Variants in COLQ observed in about 807,000 individuals in gnomAD.
COLQ encodes the protein collagen like tail subunit of asymmetric acetylcholinesterase, also known as acetylcholinesterase collagenic tail peptide.
In COLQ, 48 loss-of-function variants were observed where a neutral mutation model predicts 69.0. The ratio of observed to expected loss-of-function variants is 0.70; its 90% confidence interval spans 0.55 to 0.88. The LOEUF is 0.88. Ranked by LOEUF, COLQ falls within the 40% of genes least tolerant of loss-of-function variation. COLQ has a pLI of 0.00. For synonymous variants in COLQ, 217 were observed against 211.2 expected, an observed-to-expected ratio of 1.03 and a Z score of -0.24; for missense variants, 618 against 594.6, an observed-to-expected ratio of 1.04 and a Z score of -0.41.
At chr3:15,498,682 G>A in intron 1 of COLQ, 4 of 1,549,238 alleles carry the variant, frequency 2.6e-6, no homozygotes, top group Non-Finnish European at 2.6e-6. Context: ...TGCCTGGCCT[G>A]TTTGGCATTA....
chr3:15,494,514 C>T (rs1486411946), intron 1 of COLQ, among the ~76,000 whole-genome samples: 1 of 152,184 alleles, frequency 6.6e-6, no homozygotes, highest in Non-Finnish European at 1.5e-5. Context: ...CTTTGCCAGG[C>T]ACTGGGCCAG....
In COLQ at chr3:15,458,256, G is replaced by T. The variant is rs2062053296; in HGVS notation, c.884C>A (p.Pro295His). The change falls in exon 13 of 17, where the codon CCC becomes CAC. Residue 295 changes from proline (P) to histidine (H), a missense_variant. Physicochemically the swap from Pro to His is moderately conservative, Grantham distance 77. Transcript: ENST00000383788. ...GGAAGGGTTATTCACATTCATAGTG[G>T]GTCCACAAAGACATCTTCCTGGAGG... ...PGPPGRCLCG[P>H]TMNVNNPSYG... 3 of 1,613,910 alleles carry T rather than the reference G, an allele frequency of 1.9e-6. No homozygotes were observed. The highest frequency in any genetic ancestry group is 2.5e-6 in the Non-Finnish European group (3 of 1,179,960).
Position 15,474,928 on chromosome 3 carries a change from T to C in COLQ, c.552A>G (p.Glu184=), listed in dbSNP as rs1487359258. 6.2e-7 allele frequency: 1 copy of C among 1,614,138 alleles called. No individual in the cohort carries two copies. Residue 184 remains glutamate, a synonymous_variant, in exon 8 of 17, where the codon GAA becomes GAG. Transcript: ENST00000383788. ...ACCATCCAAGAAAAGCACTAACCTT[T>C]TCCCCTCTGGATCCAGGGTAGCCCT... ...GSKGYPGSRG[E]KGSRGEKGDL...
chr3:15,481,768 G>C (rs1170859335), intron 3 of COLQ, among the ~76,000 whole-genome samples: 1 of 152,316 alleles, frequency 6.6e-6, no homozygotes, highest in Non-Finnish European at 1.5e-5. Context: ...TTGGTAGCTT[G>C]ATGGGGATGG....
At chr3:15,465,003 ATC>A (rs1209198993) in intron 12 of COLQ, among the ~76,000 whole-genome samples, 7 of 152,032 alleles carry the variant, frequency 4.6e-5, no homozygotes, top group African/African-American at 1.7e-4. Flanking sequence ...GTGAAACCCC[ATC>A]TCTACTAAAA....
intron 1 of COLQ, among the ~76,000 whole-genome samples, chr3:15,512,184 G>A (rs958475893): frequency 5.9e-5 from 9 of 152,202 alleles, no homozygotes; most frequent in African/African-American, 2.2e-4. Context: ...GATGAGTGAG[G>A]AAAGTGTGGG....
chr3:15,491,199 A>G (rs1488558680), intron 1 of COLQ, among the ~76,000 whole-genome samples: 1 of 152,232 alleles, frequency 6.6e-6, no homozygotes, highest in Non-Finnish European at 1.5e-5. Context: ...AGAAGAAAAA[A>G]AAAGAAAAGT....
intron 1 of COLQ, among the ~76,000 whole-genome samples, chr3:15,497,036 CTTTTTTTTTTTTTT>C (rs371974104): frequency 9.3e-6 from 1 of 107,530 alleles, no homozygotes; most frequent in Non-Finnish European, 1.8e-5. Context: ...GTCCTTTTGC[CTTTTTTTTTTTTTT>C]TTTTTTTTTT....
At chr3:15,481,747 GA>G (rs2062487691) in intron 3 of COLQ, among the ~76,000 whole-genome samples, 1 of 152,174 alleles carries the variant, frequency 6.6e-6, no homozygotes, top group Non-Finnish European at 1.5e-5. Context: ...CCAATTCTGT[GA>G]AGAAAGTCAT....
chr3:15,479,638 A>AT (rs2062442497), intron 3 of COLQ, among the ~76,000 whole-genome samples: 1 of 152,008 alleles, frequency 6.6e-6, no homozygotes, highest in African/African-American at 2.4e-5. Context: ...TGTGGTTTTA[A>AT]TTTTCTCCCT....
At position 15,466,446 on chromosome 3, in the gene COLQ, G is replaced by C. The variant is rs756975517; in HGVS notation, c.718-9C>G. 1.2e-6 allele frequency: 2 copies of C among 1,605,046 alleles called. No homozygotes were observed. The highest frequency in any genetic ancestry group is 1.7e-5 in the Admixed American group (1 of 60,010). ...CTATCCCCTTTCTGTCCCTGACAGA[G>C]AGAAAGGCAGAGCCTGTTATGAAAG... On this transcript the variant is annotated splice_polypyrimidine_tract_variant and intron_variant, in intron 11 of 16. Coordinates refer to ENST00000383788, the MANE Select transcript of COLQ (RefSeq NM_005677.4).
chr3:15,507,684 G>T (rs186759030), intron 1 of COLQ, among the ~76,000 whole-genome samples: 24 of 152,190 alleles, frequency 1.6e-4, no homozygotes, highest in Admixed American at 3.3e-4. Flanking sequence ...CAAACACTTG[G>T]GCTCAAGTGA....
intron 13 of COLQ, 127 bp downstream of exon 13, chr3:15,458,059 T>C: frequency 1.0e-6 from 1 of 992,308 alleles, no homozygotes; most frequent in Middle Eastern, 3.1e-4. Context: ...CAATTTCCTA[T>C]AATGAGGGTG....
At chr3:15,472,018 T>C (rs900405232) in intron 10 of COLQ, among the ~76,000 whole-genome samples, 3 of 151,852 alleles carry the variant, frequency 2.0e-5, no homozygotes, top group Admixed American at 6.6e-5. Flanking sequence ...GGCCCTTCTC[T>C]ACATTAGCTT....
intron 11 of COLQ, 123 bp downstream of exon 11, chr3:15,470,413 C>T: frequency 1.1e-6 from 1 of 884,588 alleles, no homozygotes; most frequent in Non-Finnish European, 1.9e-6. Context: ...TCTGCTAGCC[C>T]AGAGGATGCT....
chr3:15,492,016 C>T (rs1209522177), intron 1 of COLQ, among the ~76,000 whole-genome samples: 1 of 151,500 alleles, frequency 6.6e-6, no homozygotes. Flanking sequence ...TGAGATTGTG[C>T]CACTGCACTC....
chr3:15,477,110 AG>A lies in COLQ; in HGVS notation c.465+15del. 1 of 1,594,670 alleles carries A rather than the reference AG, an allele frequency of 6.3e-7. No individual in the cohort carries two copies. Among genetic ancestry groups the A allele is most frequent in the South Asian group, 1.1e-5 (1 of 87,438 alleles). ...GTTTTGACACCGCATGAGCCCTGAG[AG>A]CATGCCACACTTACCCTGGGTCCTT... On this transcript the variant is annotated intron_variant, in intron 6 of 16. Transcript: ENST00000383788.
chr3:15,455,319 C>A (rs1368732221), intron 15 of COLQ, among the ~76,000 whole-genome samples: 1 of 152,152 alleles, frequency 6.6e-6, no homozygotes, highest in African/African-American at 2.4e-5. Context: ...AAAGCTCCTG[C>A]TTTCCATCAC....
chr3:15,453,433 C>T (rs1032275928), intron 16 of COLQ, among the ~76,000 whole-genome samples: 2 of 152,166 alleles, frequency 1.3e-5, no homozygotes, highest in South Asian at 2.1e-4. Context: ...GTAGACATGT[C>T]GATTCTTGGA....
Sources: allele counts gnomAD v4.1 joint callset (sites outside exome capture counted in the v4.1 genomes callset), GRCh38; gene constraint gnomAD v4.1.1; transcripts MANE v1.5; gene names NCBI Gene and HGNC (gene_info 2026-07-23, HGNC 2026-07-21).